Variants in NRXN3 observed in about 807,000 individuals in gnomAD.
NRXN3 encodes the protein neurexin 3.
Under a neutral mutation model 137.6 loss-of-function variants are expected in NRXN3, and 32 were observed. The ratio of observed to expected loss-of-function variants is 0.23; its 90% confidence interval spans 0.18 to 0.31. NRXN3 has a LOEUF of 0.31. Among genes scored for constraint, NRXN3 ranks in the 10% least tolerant of loss-of-function variants. NRXN3 has a pLI of 1.00. For synonymous variants in NRXN3, 798 were observed against 784.5 expected (o/e 1.02, Z -0.29); for missense variants, 1,574 against 2,062.5 (o/e 0.76, Z 4.59).
chr14:78,190,833 C>T (rs2060662594), intron 1 of NRXN3, among the ~76,000 whole-genome samples: 1 of 151,956 alleles, frequency 6.6e-6, no homozygotes, highest in East Asian at 1.9e-4. Flanking sequence ...ACCACCACAC[C>T]TGGCTAATTT....
At chr14:79,674,356 C>T (rs1208984646) in intron 17 of NRXN3, among the ~76,000 whole-genome samples, 1 of 151,926 alleles carries the variant, frequency 6.6e-6, no homozygotes, top group African/African-American at 2.4e-5. Context: ...ACCTGTGATA[C>T]CTTCAACACA....
At chr14:79,623,091 A>G (rs1044690911) in intron 16 of NRXN3, among the ~76,000 whole-genome samples, 2 of 152,184 alleles carry the variant, frequency 1.3e-5, no homozygotes, top group Non-Finnish European at 2.9e-5. Context: ...TTCTGTGGCC[A>G]GGGAAACTCT....
intron 16 of NRXN3, among the ~76,000 whole-genome samples, chr14:79,527,099 G>A (rs2097127234): frequency 6.6e-6 from 1 of 151,964 alleles, no homozygotes; most frequent in African/African-American, 2.4e-5. Context: ...TTCGAGACCA[G>A]CCTGGCAAAC....
chr14:78,501,725 G>A (rs1343264060), intron 4 of NRXN3, among the ~76,000 whole-genome samples: 1 of 152,102 alleles, frequency 6.6e-6, no homozygotes, highest in Non-Finnish European at 1.5e-5. Flanking sequence ...TTACCCGTGA[G>A]CTACCTCTTG....
intron 3 of NRXN3, among the ~76,000 whole-genome samples, chr14:78,288,565 T>C (rs2075440361): frequency 6.6e-6 from 1 of 152,254 alleles, no homozygotes; most frequent in African/African-American, 2.4e-5. Flanking sequence ...GCAGTGCTTT[T>C]ATCTAGCACA....
chr14:79,835,621 G>A, intron 20 of NRXN3, among the ~76,000 whole-genome samples: 1 of 152,136 alleles, frequency 6.6e-6, no homozygotes, highest in East Asian at 1.9e-4. Context: ...TCCAGGGAGT[G>A]AAAATGTGTG....
chr14:79,407,766 A>G (rs562469336), intron 15 of NRXN3, among the ~76,000 whole-genome samples: 11 of 152,272 alleles, frequency 7.2e-5, no homozygotes, highest in African/African-American at 2.6e-4. Flanking sequence ...GGTGTGCCTT[A>G]GGCAAGTTAT....
At chr14:78,424,021 G>A (rs1335139116) in intron 4 of NRXN3, among the ~76,000 whole-genome samples, 1 of 152,180 alleles carries the variant, frequency 6.6e-6, no homozygotes, top group Non-Finnish European at 1.5e-5. Flanking sequence ...AGAGAGAAAT[G>A]CATTTAGCGG....
intron 15 of NRXN3, among the ~76,000 whole-genome samples, chr14:79,261,925 A>G (rs866483935): frequency 6.6e-6 from 1 of 152,172 alleles, no homozygotes; most frequent in Middle Eastern, 3.4e-3. Flanking sequence ...TAGATCAACT[A>G]CTACCTGGCC....
intron 17 of NRXN3, among the ~76,000 whole-genome samples, chr14:79,676,367 C>T (rs1451771796): frequency 6.6e-6 from 1 of 151,898 alleles, no homozygotes; most frequent in Non-Finnish European, 1.5e-5. Flanking sequence ...ACGCCTGGTA[C>T]CCACCATTTT....
At chr14:79,391,321 C>T (rs774751530) in intron 15 of NRXN3, among the ~76,000 whole-genome samples, 1 of 152,148 alleles carries the variant, frequency 6.6e-6, no homozygotes, top group Admixed American at 6.5e-5. Context: ...TAATTCTGTA[C>T]TCCAGGCACA....
At chr14:78,790,128 A>G (rs1393930662) in intron 8 of NRXN3, among the ~76,000 whole-genome samples, 1 of 152,126 alleles carries the variant, frequency 6.6e-6, no homozygotes, top group Non-Finnish European at 1.5e-5. Flanking sequence ...TTTAAAATTC[A>G]GTGGTAAAAA....
At chr14:78,252,413 A>G (rs556170683) in intron 2 of NRXN3, among the ~76,000 whole-genome samples, 31 of 152,318 alleles carry the variant, frequency 2.0e-4, no homozygotes, top group African/African-American at 7.0e-4. Context: ...TCCTGGCTCA[A>G]GTTTTCTGGC....
chr14:78,254,255 C>A (rs911525435), intron 2 of NRXN3, among the ~76,000 whole-genome samples: 24 of 152,050 alleles, frequency 1.6e-4, no homozygotes, highest in African/African-American at 5.1e-4. Context: ...CATGGTTAGC[C>A]CTATCTCTGG....
intron 6 of NRXN3, among the ~76,000 whole-genome samples, chr14:78,653,311 C>A (rs919582692): frequency 1.3e-5 from 2 of 152,060 alleles, no homozygotes; most frequent in Non-Finnish European, 2.9e-5. Context: ...TCTAGTGAAC[C>A]CTGAAAGACT....
chr14:78,887,949 G>A (rs1047716364), intron 10 of NRXN3, among the ~76,000 whole-genome samples: 2 of 152,066 alleles, frequency 1.3e-5, no homozygotes, highest in Non-Finnish European at 2.9e-5. Flanking sequence ...TGTTGCCTCT[G>A]ACTTCCTAGA....
At chr14:79,749,781 T>TG (rs1183948395) in intron 19 of NRXN3, among the ~76,000 whole-genome samples, 9 of 150,792 alleles carry the variant, frequency 6.0e-5, no homozygotes, top group Non-Finnish European at 8.9e-5. Context: ...CACCAAACAT[T>TG]TTTTTTTATT....
At chr14:78,917,868 T>TC (rs1464618867) in intron 10 of NRXN3, among the ~76,000 whole-genome samples, 1 of 151,722 alleles carries the variant, frequency 6.6e-6, no homozygotes, top group African/African-American at 2.4e-5. Flanking sequence ...GATATTCTCC[T>TC]AATGTACATT....
intron 20 of NRXN3, among the ~76,000 whole-genome samples, chr14:79,846,252 A>C (rs2099371340): frequency 6.6e-6 from 1 of 152,220 alleles, no homozygotes; most frequent in South Asian, 2.1e-4. Context: ...AGTAAAGCAA[A>C]GCACAATAAA....
Sources: allele counts gnomAD v4.1 joint callset (sites outside exome capture counted in the v4.1 genomes callset), GRCh38; gene constraint gnomAD v4.1.1; transcripts MANE v1.5; gene names NCBI Gene and HGNC (gene_info 2026-07-23, HGNC 2026-07-21).